TTC9: variants seen among roughly 807,000 people sequenced by gnomAD.
The protein encoded by TTC9 is tetratricopeptide repeat domain 9.
In TTC9, 13 loss-of-function variants were observed where a neutral mutation model predicts 22.9. That is an observed-to-expected ratio of 0.57 (90% CI 0.37 to 0.90). The LOEUF (loss-of-function observed/expected upper bound fraction) is 0.90, where lower values mean the gene tolerates loss of function less well. Ranked by LOEUF, TTC9 falls within the 40% of genes least tolerant of loss-of-function variation. The pLI is 0.01. For missense variants in TTC9, 280 were observed against 291.8 expected (o/e 0.96, Z 0.29); for synonymous variants, 148 against 133.2 (o/e 1.11, Z -0.77).
At chr14:70,648,591 G>A (rs575301446) in intron 1 of TTC9, among the ~76,000 whole-genome samples, 1 of 152,334 alleles carries the variant, frequency 6.6e-6, no homozygotes, top group South Asian at 2.1e-4. Flanking sequence ...CTGGTTGTGG[G>A]TGACCTCCAG....
At chr14:70,663,063 C>T (rs1481009994) in intron 1 of TTC9, among the ~76,000 whole-genome samples, 8 of 152,174 alleles carry the variant, frequency 5.3e-5, no homozygotes, top group Non-Finnish European at 1.2e-4. Flanking sequence ...ACCTGAGTCA[C>T]CATCACTTCA....
intron 1 of TTC9, among the ~76,000 whole-genome samples, chr14:70,660,563 C>A (rs1473476809): frequency 1.3e-5 from 2 of 152,184 alleles, no homozygotes; most frequent in African/African-American, 4.8e-5. Flanking sequence ...TCATCATAAG[C>A]GTTCCCCCAA....
chr14:70,645,075 G>C (rs1885884270), intron 1 of TTC9, among the ~76,000 whole-genome samples: 1 of 152,148 alleles, frequency 6.6e-6, no homozygotes, highest in African/African-American at 2.4e-5. Flanking sequence ...TCGTGCCACT[G>C]TACTCCAGCC....
In TTC9 at chr14:70,642,375, G is replaced by C; in HGVS notation, c.246G>C (p.Arg82=). The stretch of plus-strand genomic sequence containing the variant: ...GTGAAGCCATAGGCAAATACCACCG[G>C]GCGTTGCTGGAGCTGAAGGGGCTGC... The part of the protein sequence containing the change: ...KFREAIGKYH[R]ALLELKGLLP... The change falls in exon 1 of 3, where the codon CGG becomes CGC. Residue 82 remains arginine, a synonymous_variant. Coordinates refer to ENST00000256367, the MANE Select transcript of TTC9 (RefSeq NM_015351.2). 6.2e-7 allele frequency: 1 copy of C among 1,605,476 alleles called. No individual in the cohort carries two copies. The highest frequency in any genetic ancestry group is 8.5e-7 in the Non-Finnish European group (1 of 1,176,664).
chr14:70,665,754 T>TA (rs972749825), intron 1 of TTC9, among the ~76,000 whole-genome samples: 2 of 152,178 alleles, frequency 1.3e-5, no homozygotes, highest in Admixed American at 6.5e-5. Flanking sequence ...TCTGGTCTCT[T>TA]AAAAAATCTC....
At chr14:70,647,058 T>A (rs61980466) in intron 1 of TTC9, among the ~76,000 whole-genome samples, 30,036 of 152,226 alleles carry the variant, frequency 0.2, 3,504 homozygotes, top group Admixed American at 0.29. Flanking sequence ...GCATTTGCTA[T>A]TTGATGTCAT....
chr14:70,642,572 T>C (rs1345434204), intron 1 of TTC9, 37 bp downstream of exon 1: 5 of 1,464,668 alleles, frequency 3.4e-6, no homozygotes, highest in Middle Eastern at 1.8e-4. Context: ...GCGGTCCCCG[T>C]TCTTCGGCCC....
chr14:70,670,330 A>G (rs908507387), intron 2 of TTC9, among the ~76,000 whole-genome samples: 2 of 152,230 alleles, frequency 1.3e-5, no homozygotes, highest in Non-Finnish European at 2.9e-5. Flanking sequence ...CATGAAGGTT[A>G]GAAACCTGGC....
At chr14:70,667,237 A>G (rs987486222) in intron 1 of TTC9, among the ~76,000 whole-genome samples, 2 of 152,154 alleles carry the variant, frequency 1.3e-5, no homozygotes, top group African/African-American at 4.8e-5. Context: ...CCTCAACTTG[A>G]TCACCTCTGT....
intron 1 of TTC9, among the ~76,000 whole-genome samples, chr14:70,662,216 ATCTT>A (rs1357967082): frequency 6.6e-6 from 1 of 152,162 alleles, no homozygotes; most frequent in East Asian, 1.9e-4. Flanking sequence ...AAGTGACTAC[ATCTT>A]TGAATCCAAG....
chr14:70,665,769 A>C (rs1886207339), intron 1 of TTC9, among the ~76,000 whole-genome samples: 1 of 152,194 alleles, frequency 6.6e-6, no homozygotes, highest in Admixed American at 6.5e-5. Flanking sequence ...AATCTCAGCA[A>C]TTCTGATACC....
In TTC9 at chr14:70,673,228, A is replaced by T. The variant is rs1001809220; in HGVS notation, c.*2073A>T. 1 of 152,200 alleles carries T rather than the reference A, an allele frequency of 6.6e-6. No individual in the cohort carries two copies. The highest frequency in any genetic ancestry group is 1.5e-5 in the Non-Finnish European group (1 of 68,044). The allele number at this position is 152,200 out of a possible 1,614,324, so 9.4% of individuals were successfully genotyped here. On this transcript the variant is annotated 3_prime_UTR_variant, in exon 3 of 3. Coordinates refer to ENST00000256367, the MANE Select transcript of TTC9 (RefSeq NM_015351.2). ...ACAATTAAGACCGAAAGGAAACACA[A>T]AGTTAAATATGGGTTAATTATGTAA...
chr14:70,642,628 C>A, intron 1 of TTC9, 93 bp downstream of exon 1: 1 of 1,236,070 alleles, frequency 8.1e-7, no homozygotes, highest in South Asian at 1.5e-5. Flanking sequence ...GCAGATTCTC[C>A]TGCTGTGACT....
intron 1 of TTC9, among the ~76,000 whole-genome samples, chr14:70,646,004 G>A (rs1013568351): frequency 6.6e-6 from 1 of 152,234 alleles, no homozygotes; most frequent in African/African-American, 2.4e-5. Context: ...CAAAAGAATA[G>A]CAAGAGGACA....
At chr14:70,657,213 T>C (rs996885894) in intron 1 of TTC9, among the ~76,000 whole-genome samples, 1 of 152,270 alleles carries the variant, frequency 6.6e-6, no homozygotes, top group Non-Finnish European at 1.5e-5. Context: ...CAATATCTCT[T>C]GAATGCTTTC....
chr14:70,653,938 C>T (rs888704239), intron 1 of TTC9, among the ~76,000 whole-genome samples: 1 of 152,158 alleles, frequency 6.6e-6, no homozygotes, highest in Non-Finnish European at 1.5e-5. Context: ...ACAGAGAAGC[C>T]ATGGGGCTGG....
At chr14:70,644,983 G>T (rs562713654) in intron 1 of TTC9, among the ~76,000 whole-genome samples, 1 of 152,226 alleles carries the variant, frequency 6.6e-6, no homozygotes, top group Non-Finnish European at 1.5e-5. Context: ...GTGGTGGCGG[G>T]CACCTGTAGT....
intron 1 of TTC9, among the ~76,000 whole-genome samples, chr14:70,654,573 G>A (rs1216483431): frequency 2.1e-5 from 2 of 93,246 alleles, no homozygotes; most frequent in African/African-American, 8.5e-5. Context: ...CTGGGCAACA[G>A]TAAGGCTCTG....
chr14:70,663,905 T>A (rs1371076598), intron 1 of TTC9, among the ~76,000 whole-genome samples: 2 of 152,166 alleles, frequency 1.3e-5, no homozygotes, highest in Non-Finnish European at 2.9e-5. Context: ...AGAGGTCAAG[T>A]GCACAGTCTT....
Sources: allele counts gnomAD v4.1 joint callset (sites outside exome capture counted in the v4.1 genomes callset), GRCh38; gene constraint gnomAD v4.1.1; transcripts MANE v1.5; gene names NCBI Gene and HGNC (gene_info 2026-07-23, HGNC 2026-07-21).